The following FNDC1 variants were observed in gnomAD, a reference collection of about 807,000 sequenced individuals.
FNDC1 encodes fibronectin type III domain-containing protein 1.
A neutral mutation model predicts 168.0 loss-of-function variants in FNDC1; 96 were observed. That is an observed-to-expected ratio of 0.57 (90% CI 0.48 to 0.68). The LOEUF (loss-of-function observed/expected upper bound fraction) is 0.68. Among genes scored for constraint, FNDC1 ranks in the 30% least tolerant of loss-of-function variants. FNDC1 has a pLI of 0.00. For synonymous variants in FNDC1, 1,099 were observed against 1,025.9 expected, an observed-to-expected ratio of 1.07 and a Z score of -1.36; for missense variants, 2,587 against 2,482.1, an observed-to-expected ratio of 1.04 and a Z score of -0.90.
chr6:159,186,293 C>G (rs940620595), intron 1 of FNDC1, among the ~76,000 whole-genome samples: 1 of 152,188 alleles, frequency 6.6e-6, no homozygotes, highest in African/African-American at 2.4e-5. Context: ...TATTCTTTCT[C>G]TTTGCTCCAA....
chr6:159,231,758 G>A lies in FNDC1; in HGVS notation c.1370-124G>A, dbSNP rs1459911194. On this transcript the variant is annotated intron_variant, in intron 10 of 22. Transcript: ENST00000297267. ...ACGTTTCCAGTGTTCTAAGGAATTAGAAGTTAGCCATTATGACTACTGATT... is the reference window on the plus strand; with the variant it reads ...ACGTTTCCAGTGTTCTAAGGAATTAAAAGTTAGCCATTATGACTACTGATT... 5.6e-6 allele frequency: 4 copies of A among 718,692 alleles called. No individual in the cohort carries two copies. The African/African-American group carries it at 7.1e-5, about 13-fold the overall frequency. 44.5% of individuals were successfully genotyped at this position (718,692 alleles called of 1,614,324 possible).
chr6:159,238,497 C>G, intron 12 of FNDC1, 57 bp from the exon 13 acceptor site: 1 of 1,214,542 alleles, frequency 8.2e-7, no homozygotes, highest in Middle Eastern at 1.9e-4. Context: ...TATAATTGGA[C>G]TAATGTGATC....
At position 159,200,056 on chromosome 6, in the gene FNDC1, C is replaced by T. The variant is rs930564079; in HGVS notation, c.365C>T (p.Pro122Leu). ...TAENHSGVSR[P>L]VYRAESPPGG... is the part of the protein sequence containing the mutation. ...GAAAACCACAGTGGAGTGAGCCGTC[C>T]TGTTTACAGAGCTGAAAGCCCACCT... Residue 122 changes from proline (P) to leucine (L), a missense_variant, in exon 3 of 23, where the codon CCT (proline) becomes CTT (leucine). Coordinates refer to ENST00000297267, the MANE Select transcript of FNDC1 (RefSeq NM_032532.3). 1.2e-6 allele frequency: 2 copies of T among 1,602,462 alleles called. No homozygotes were observed. The highest frequency in any genetic ancestry group is 1.7e-4 in the Middle Eastern group (1 of 6,050).
At chr6:159,184,935 C>T (rs1389754385) in intron 1 of FNDC1, among the ~76,000 whole-genome samples, 1 of 152,036 alleles carries the variant, frequency 6.6e-6, no homozygotes, top group Non-Finnish European at 1.5e-5. Context: ...GGCATGAGCC[C>T]TTCCCAACTA....
At chr6:159,185,208 T>G (rs532966746) in intron 1 of FNDC1, among the ~76,000 whole-genome samples, 1 of 152,308 alleles carries the variant, frequency 6.6e-6, no homozygotes, top group Admixed American at 6.5e-5. Context: ...TCAGTCTGAT[T>G]TATGGCTGCA....
At chr6:159,239,482 C>G in intron 13 of FNDC1, 35 bp from the exon 14 acceptor site, 1 of 1,528,766 alleles carries the variant, frequency 6.5e-7, no homozygotes, top group South Asian at 1.3e-5. Flanking sequence ...GATTGCTTCA[C>G]CTTGTTGCAT....
chr6:159,177,170 A>G (rs994193865), intron 1 of FNDC1, among the ~76,000 whole-genome samples: 2 of 152,134 alleles, frequency 1.3e-5, no homozygotes, highest in African/African-American at 4.8e-5. Flanking sequence ...TTAGGAGTTC[A>G]TGGGCGGGGA....
intron 12 of FNDC1, 88 bp downstream of exon 12, chr6:159,236,403 G>C (rs1374948919): frequency 1.2e-6 from 1 of 860,566 alleles, no homozygotes; most frequent in African/African-American, 1.7e-5. Context: ...TAAATGAAGT[G>C]GTCTTTGTTT....
At position 159,232,374 on chromosome 6, in the gene FNDC1, C is replaced by A; in HGVS notation, c.1862C>A (p.Ala621Asp). 6.2e-7 allele frequency: 1 copy of A among 1,613,564 alleles called. No individual in the cohort carries two copies. Among genetic ancestry groups the A allele is most frequent in the Non-Finnish European group, 8.5e-7 (1 of 1,179,692 alleles). ...GAPPSASASP[A>D]HHASTQGTSH... ...CCCCCCTCGGCTTCGGCCTCTCCTG[C>A]CCACCACGCGTCCACCCAGGGCACC... The change falls in exon 11 of 23, where the codon GCC becomes GAC. Residue 621 changes from alanine (A) to aspartate (D), a missense_variant. Ala to Asp is a moderately radical substitution (Grantham distance 126). Coordinates refer to ENST00000297267, the MANE Select transcript of FNDC1 (RefSeq NM_032532.3). The surrounding 1 kb of genome is among the most constrained non-coding windows in gnomAD (Gnocchi z 4.9).
chr6:159,234,302 C>T lies in FNDC1; in HGVS notation c.3790C>T (p.Arg1264Cys), dbSNP rs370423767. 2.7e-5 allele frequency: 43 copies of T among 1,606,322 alleles called. No homozygotes were observed. The South Asian group carries it at 3.0e-4, about 11-fold the overall frequency. ...CCACGTCCCTTCCCGACTGCCGCCT[C>T]GCAGCGCTGCCACCGTGAGCCCCGT... ...ASHVPSRLPPRSAATVSPVAG... is the reference protein window; with the variant it reads ...ASHVPSRLPPCSAATVSPVAG... Residue 1264 changes from arginine to cysteine, a missense_variant, in exon 11 of 23, where the codon CGC becomes TGC. Coordinates refer to ENST00000297267, the MANE Select transcript of FNDC1 (RefSeq NM_032532.3).
intron 14 of FNDC1, among the ~76,000 whole-genome samples, chr6:159,240,260 G>A (rs930522741): frequency 6.6e-6 from 1 of 152,176 alleles, no homozygotes; most frequent in Non-Finnish European, 1.5e-5. Flanking sequence ...CACAACCCAA[G>A]TCAAGAATTT....
intron 22 of FNDC1, among the ~76,000 whole-genome samples, chr6:159,269,785 T>C (rs1777705405): frequency 6.6e-6 from 1 of 152,136 alleles, no homozygotes; most frequent in Admixed American, 6.6e-5. Flanking sequence ...GCAGGCAGAG[T>C]TACCTCTGGT....
chr6:159,249,507 C>T (rs1016516070), intron 16 of FNDC1, among the ~76,000 whole-genome samples: 6 of 152,140 alleles, frequency 3.9e-5, no homozygotes, highest in South Asian at 2.1e-4. Flanking sequence ...AGTTTTTCTA[C>T]GACAAGACTT....
intron 14 of FNDC1, among the ~76,000 whole-genome samples, chr6:159,242,332 G>C (rs1783441354): frequency 6.6e-6 from 1 of 152,148 alleles, no homozygotes; most frequent in African/African-American, 2.4e-5. Flanking sequence ...GCGCCTGTCA[G>C]AGGGTCAGGT....
At chr6:159,221,268 T>G (rs1782815664) in intron 5 of FNDC1, among the ~76,000 whole-genome samples, 1 of 152,246 alleles carries the variant, frequency 6.6e-6, no homozygotes, top group Non-Finnish European at 1.5e-5. Flanking sequence ...CGTGTTATTC[T>G]TTTCTTTTTT....
At chr6:159,244,431 G>A (rs1783496310) in intron 14 of FNDC1, among the ~76,000 whole-genome samples, 1 of 152,192 alleles carries the variant, frequency 6.6e-6, no homozygotes, top group Admixed American at 6.5e-5. Flanking sequence ...CAGAGTCATT[G>A]CCTCAAGGGC....
In FNDC1 at chr6:159,229,986, T is replaced by C. The variant is rs1199150076; in HGVS notation, c.1352T>C (p.Ile451Thr). Residue 451 changes from isoleucine to threonine, a missense_variant, in exon 10 of 23, where the codon ATT (isoleucine) becomes ACT (threonine). Ile to Thr is a moderately conservative substitution (Grantham distance 89). Coordinates refer to ENST00000297267, the MANE Select transcript of FNDC1 (RefSeq NM_032532.3). Reference protein sequence around the residue: ...RGLGPHSKAFIVAMPTTSKAD... With the variant: ...RGLGPHSKAFTVAMPTTSKAD... Reference sequence around the variant, plus strand: ...CTGGGACCTCACTCCAAAGCCTTCATTGTCGCTATGCCAACAAGTAAGCAT... The same window carrying C: ...CTGGGACCTCACTCCAAAGCCTTCACTGTCGCTATGCCAACAAGTAAGCAT... 1.9e-6 allele frequency: 3 copies of C among 1,613,718 alleles called. No individual in the cohort carries two copies. Among genetic ancestry groups the C allele is most frequent in the South Asian group, 2.2e-5 (2 of 91,030 alleles).
chr6:159,190,438 A>G (rs1038391379), intron 1 of FNDC1, among the ~76,000 whole-genome samples: 1 of 152,288 alleles, frequency 6.6e-6, no homozygotes, highest in South Asian at 2.1e-4. Flanking sequence ...TTCCTACGGG[A>G]AAGTTCCATT....
chr6:159,233,846 C>T lies in FNDC1; in HGVS notation c.3334C>T (p.Gln1112Ter). Residue 1112 changes from glutamine (Q) to a stop codon, truncating the protein, a stop_gained, in exon 11 of 23, where the codon CAG becomes TAG. Transcript: ENST00000297267. LOFTEE classifies it high-confidence loss of function. This position sits in a 1 kb window ranked among gnomAD's most constrained non-coding sequence, Gnocchi z 4.6. ...AGCTGCGTCCCTTCCCAAGCACCAG[C>T]AGGTGGAGTCTCCCACAGGCGCAGG... is the stretch of plus-strand genomic sequence containing the variant. Reference protein sequence around the residue: ...EAAASLPKHQQVESPTGAGAG... With the variant: ...EAAASLPKHQ The T allele has an allele frequency of 6.5e-7, 1 of 1,545,104 alleles. No homozygotes were observed. The highest frequency in any genetic ancestry group is 8.7e-7 in the Non-Finnish European group (1 of 1,144,422).
Sources: gnomAD v4.1 joint callset for allele counts (sites outside exome capture counted in the v4.1 genomes callset) on GRCh38, gnomAD v4.1.1 for gene constraint, Gnocchi (gnomAD v3.1) non-coding constraint, MANE v1.5 for transcripts, NCBI Gene and HGNC (gene_info 2026-07-23, HGNC 2026-07-21) for gene names.